Variants in CCDC91 observed in about 807,000 individuals in gnomAD.
CCDC91 encodes coiled-coil domain-containing protein 91.
Under a neutral mutation model 63.2 loss-of-function variants are expected in CCDC91, and 48 were observed. The observed-to-expected ratio is 0.76, with a 90% CI of 0.60 to 0.97. CCDC91 has a LOEUF of 0.97. Among genes scored for constraint, CCDC91 ranks in the 50% least tolerant of loss-of-function variants. CCDC91 has a pLI of 0.00. For synonymous variants in CCDC91, 167 were observed against 165.8 expected (o/e 1.01, Z -0.06); for missense variants, 500 against 494.6 (o/e 1.01, Z -0.10).
intron 10 of CCDC91, among the ~76,000 whole-genome samples, chr12:28,452,100 T>C (rs560298776): frequency 1.5e-4 from 23 of 151,440 alleles, no homozygotes; most frequent in Non-Finnish European, 2.7e-4. Context: ...TTAAATGAAT[T>C]AATAATTTTA....
chr12:28,388,152 A>G (rs1335006693), intron 7 of CCDC91, among the ~76,000 whole-genome samples: 1 of 151,836 alleles, frequency 6.6e-6, no homozygotes, highest in Non-Finnish European at 1.5e-5. Flanking sequence ...TTTTTTTCAT[A>G]TGTTTGTTGC....
intron 6 of CCDC91, among the ~76,000 whole-genome samples, chr12:28,357,734 G>T (rs908397078): frequency 5.9e-5 from 9 of 151,964 alleles, no homozygotes; most frequent in Non-Finnish European, 8.8e-5. Context: ...TGACTTATCT[G>T]GGCCTCAGTA....
In CCDC91 at chr12:28,484,154, G is replaced by C; in HGVS notation, c.1204G>C (p.Glu402Gln). The change falls in exon 12 of 13, where the codon GAA becomes CAA. Residue 402 changes from glutamate (E) to glutamine (Q), a missense_variant. Coordinates refer to ENST00000536442, the MANE Select transcript of CCDC91 (RefSeq NM_018318.5). ...AGATGAATTGATAGAGTATATAAAA[G>C]AACAGAAAAGGGTAAGTATCTCCTG... The part of the protein sequence containing the change: ...TRDELIEYIK[E>Q]QKRLDQVIRQ... 1 of 1,593,136 alleles carries C rather than the reference G, an allele frequency of 6.3e-7. No individual in the cohort carries two copies. Among genetic ancestry groups the C allele is most frequent in the Non-Finnish European group, 8.6e-7 (1 of 1,165,812 alleles).
intron 12 of CCDC91, among the ~76,000 whole-genome samples, chr12:28,510,253 G>A (rs1242612294): frequency 6.6e-6 from 1 of 151,694 alleles, no homozygotes; most frequent in Non-Finnish European, 1.5e-5. Context: ...GTGTGTGTGT[G>A]TGTGTAGAAA....
At chr12:28,364,449 A>G (rs986083976) in intron 7 of CCDC91, among the ~76,000 whole-genome samples, 11 of 152,216 alleles carry the variant, frequency 7.2e-5, no homozygotes, top group African/African-American at 1.9e-4. Flanking sequence ...TGGCCCTTTT[A>G]TAATGTTTTT....
At chr12:28,532,317 C>T (rs1941803767) in intron 12 of CCDC91, among the ~76,000 whole-genome samples, 1 of 152,008 alleles carries the variant, frequency 6.6e-6, no homozygotes, top group African/African-American at 2.4e-5. Flanking sequence ...TGTGGATTTA[C>T]AATGGAGTAG....
intron 8 of CCDC91, among the ~76,000 whole-genome samples, chr12:28,430,012 TTCTAAA>T: frequency 6.6e-6 from 1 of 152,184 alleles, no homozygotes; most frequent in African/African-American, 2.4e-5. Flanking sequence ...TTTTCTAGCC[TTCTAAA>T]TGTGGCTTAT....
At position 28,407,955 on chromosome 12, in the gene CCDC91, TA is replaced by T. The variant is rs1382316639; in HGVS notation, c.762+16545del. Among the ~76,000 whole-genome samples, 174 of 115,378 alleles carry T rather than the reference TA, an allele frequency of 1.5e-3. 2 individuals carry two copies. The East Asian group carries it at 0.03, about 20-fold the overall frequency. 75.7% of individuals were successfully genotyped at this position (115,378 alleles called of 152,430 possible). ...AACCATATACATAGATATATACATA[TA>T]TATATATATTTTTTTTATTTTTTAT... On this transcript the variant is annotated intron_variant, in intron 8 of 12. Transcript: ENST00000536442.
intron 12 of CCDC91, among the ~76,000 whole-genome samples, chr12:28,520,599 G>A (rs1940521538): frequency 6.6e-6 from 1 of 152,034 alleles, no homozygotes; most frequent in Non-Finnish European, 1.5e-5. Flanking sequence ...GTCAATTTTG[G>A]CTTTTGTTGC....
chr12:28,445,340 TA>T (rs1422169564), intron 8 of CCDC91, among the ~76,000 whole-genome samples: 1 of 152,046 alleles, frequency 6.6e-6, no homozygotes, highest in Non-Finnish European at 1.5e-5. Flanking sequence ...CCCAGATCAG[TA>T]AAATGACACA....
At chr12:28,213,436 G>A (rs1374409303) in intron 1 of CCDC91, among the ~76,000 whole-genome samples, 1 of 152,220 alleles carries the variant, frequency 6.6e-6, no homozygotes, top group Non-Finnish European at 1.5e-5. Context: ...CATATTAAGG[G>A]TATAGGATAA....
At chr12:28,466,420 C>T (rs1950552950) in intron 11 of CCDC91, among the ~76,000 whole-genome samples, 1 of 152,100 alleles carries the variant, frequency 6.6e-6, no homozygotes, top group Admixed American at 6.6e-5. Context: ...ATTTAATAAT[C>T]CAATTCCCAA....
intron 12 of CCDC91, among the ~76,000 whole-genome samples, chr12:28,542,649 C>T (rs1015732502): frequency 6.6e-6 from 1 of 151,960 alleles, no homozygotes; most frequent in African/African-American, 2.4e-5. Flanking sequence ...TTTTAGAGTC[C>T]AAATTATTCT....
chr12:28,343,531 T>C (rs1250301171), intron 6 of CCDC91, among the ~76,000 whole-genome samples: 1 of 152,030 alleles, frequency 6.6e-6, no homozygotes, highest in Non-Finnish European at 1.5e-5. Flanking sequence ...AAGAGAGTTG[T>C]TGAGTTTCCT....
chr12:28,445,964 A>G (rs900311823), intron 8 of CCDC91, among the ~76,000 whole-genome samples: 2 of 152,334 alleles, frequency 1.3e-5, no homozygotes, highest in South Asian at 4.1e-4. Flanking sequence ...CTTAACACAC[A>G]TCATACTTAA....
chr12:28,502,710 G>T (rs201721563), intron 12 of CCDC91, among the ~76,000 whole-genome samples: 11 of 149,910 alleles, frequency 7.3e-5, no homozygotes, highest in South Asian at 2.1e-4. Context: ...AACCAAAACA[G>T]CATGGTACTG....
intron 6 of CCDC91, among the ~76,000 whole-genome samples, chr12:28,343,122 TAAAAG>T (rs989464043): frequency 5.3e-5 from 8 of 150,908 alleles, no homozygotes; most frequent in African/African-American, 2.0e-4. Flanking sequence ...AAGAAAGTAA[TAAAAG>T]AAATATGTTG....
intron 6 of CCDC91, among the ~76,000 whole-genome samples, chr12:28,327,004 T>C (rs1941073547): frequency 1.3e-5 from 2 of 152,206 alleles, no homozygotes; most frequent in Non-Finnish European, 2.9e-5. Context: ...ATGAAGAGGT[T>C]GGGCATTAAA....
intron 11 of CCDC91, among the ~76,000 whole-genome samples, chr12:28,455,285 A>G (rs903134780): frequency 2.6e-5 from 4 of 152,090 alleles, no homozygotes; most frequent in African/African-American, 9.7e-5. Context: ...GGAAAAGCCA[A>G]TTGGAAAAAC....
Sources: allele counts gnomAD v4.1 joint callset (sites outside exome capture counted in the v4.1 genomes callset), GRCh38; gene constraint gnomAD v4.1.1; transcripts MANE v1.5; gene names NCBI Gene and HGNC (gene_info 2026-07-23, HGNC 2026-07-21).